JARID2: variants seen among roughly 807,000 people sequenced by gnomAD.
The protein encoded by JARID2 is protein Jumonji.
In JARID2, 21 loss-of-function variants were observed where a neutral mutation model predicts 125.6. The observed-to-expected ratio is 0.17, with a 90% CI of 0.12 to 0.24. JARID2 has a LOEUF of 0.24. Among genes scored for constraint, JARID2 ranks in the 10% least tolerant of loss-of-function variants. JARID2 has a pLI of 1.00. For missense variants in JARID2, 1,303 were observed against 1,639.6 expected (o/e 0.79, Z 3.55); for synonymous variants, 736 against 661.6 (o/e 1.11, Z -1.73).
At position 15,451,995 on chromosome 6, in the gene JARID2, T is replaced by C; in HGVS notation, c.324-11T>C. On this transcript the variant is annotated splice_polypyrimidine_tract_variant and intron_variant, in intron 3 of 17. Transcript: ENST00000341776. The stretch of plus-strand genomic sequence containing the variant: ...GCTTAATTTATTTTTAATTTTCTTT[T>C]GCTTTTGCAGGCCCAGGCTGCAAGC... 6 of 1,611,194 alleles carry C rather than the reference T, an allele frequency of 3.7e-6. No individual in the cohort carries two copies. The highest frequency in any genetic ancestry group is 5.1e-6 in the Non-Finnish European group (6 of 1,178,908).
At chr6:15,368,488 C>T (rs916571564) in intron 1 of JARID2, among the ~76,000 whole-genome samples, 3 of 152,160 alleles carry the variant, frequency 2.0e-5, no homozygotes, top group Non-Finnish European at 4.4e-5. Context: ...GAATTATCTT[C>T]TTGTATGTGT....
intron 1 of JARID2, among the ~76,000 whole-genome samples, chr6:15,320,852 CTGTGTGTGTGTGTGTG>C (rs71944757): frequency 6.9e-6 from 1 of 145,314 alleles, no homozygotes. Flanking sequence ...CTCTCTCTCT[CTGTGTGTGTGTGTGTG>C]TGTGTGTGTG....
At chr6:15,248,211 G>A (rs1759260987) in intron 1 of JARID2, 2 of 486,050 alleles carry the variant, frequency 4.1e-6, no homozygotes, top group South Asian at 8.8e-5. Flanking sequence ...TCCTCGAGCC[G>A]GCTGCGAAAG....
intron 5 of JARID2, among the ~76,000 whole-genome samples, chr6:15,478,328 G>A (rs1252019810): frequency 6.6e-6 from 1 of 152,066 alleles, no homozygotes; most frequent in Non-Finnish European, 1.5e-5. Context: ...TACCTGACTC[G>A]CAATGCTGCT....
At chr6:15,430,538 C>A (rs931032328) in intron 3 of JARID2, among the ~76,000 whole-genome samples, 1 of 152,144 alleles carries the variant, frequency 6.6e-6, no homozygotes, top group South Asian at 2.1e-4. Context: ...GAGTATATAA[C>A]AGTATAATAG....
At chr6:15,495,946 C>CTTA (rs1770396129) in intron 6 of JARID2, among the ~76,000 whole-genome samples, 186 bp from the exon 7 acceptor site, 1 of 152,206 alleles carries the variant, frequency 6.6e-6, no homozygotes, top group Non-Finnish European at 1.5e-5. Context: ...GACATCGCTG[C>CTTA]TTAATTCTTG....
At position 15,269,572 on chromosome 6, in the gene JARID2, A is replaced by T. The variant is rs555857691; in HGVS notation, c.45+22988A>T. ...TTTTTGTAGAGATGGCTATTTTAAA[A>T]TTTTTTTTTTTTTTTTTTGGTAGAG... On this transcript the variant is annotated intron_variant, in intron 1 of 17. Transcript: ENST00000341776. Among the ~76,000 whole-genome samples the T allele has an allele frequency of 3.5e-3, 478 of 135,634 alleles. 3 individuals carry two copies. The highest frequency in any genetic ancestry group is 0.012 in the African/African-American group (441 of 36,326). The allele number at this position is 135,634 out of a possible 152,430, so 89.0% of individuals were successfully genotyped here. A position where few individuals can be genotyped will look rare whatever the true frequency, so the allele number is the denominator to read the frequency against.
At chr6:15,451,502 G>A (rs1333030893) in intron 3 of JARID2, among the ~76,000 whole-genome samples, 1 of 152,134 alleles carries the variant, frequency 6.6e-6, no homozygotes, top group Admixed American at 6.5e-5. Flanking sequence ...TAGAAGTGGC[G>A]ACAGGGACAC....
At chr6:15,391,993 C>T (rs866675137) in intron 2 of JARID2, among the ~76,000 whole-genome samples, 1 of 151,718 alleles carries the variant, frequency 6.6e-6, no homozygotes, top group African/African-American at 2.4e-5. Context: ...TGGCTACTGA[C>T]CCTGTCCTTT....
At chr6:15,311,129 A>G (rs1032993604) in intron 1 of JARID2, among the ~76,000 whole-genome samples, 6 of 152,286 alleles carry the variant, frequency 3.9e-5, no homozygotes, top group East Asian at 1.9e-4. Flanking sequence ...TGGCGTATCA[A>G]TGGGGCTTGT....
intron 2 of JARID2, among the ~76,000 whole-genome samples, chr6:15,397,992 A>G (rs563840178): frequency 6.6e-6 from 1 of 152,322 alleles, no homozygotes; most frequent in Admixed American, 6.5e-5. Flanking sequence ...ATGGATAGGC[A>G]AGCGATATAA....
intron 1 of JARID2, among the ~76,000 whole-genome samples, chr6:15,356,973 C>G (rs952356975): frequency 5.3e-5 from 8 of 151,482 alleles, no homozygotes; most frequent in Admixed American, 2.0e-4. Flanking sequence ...GAGAGTGCAC[C>G]ACTGCACTCC....
intron 1 of JARID2, among the ~76,000 whole-genome samples, chr6:15,318,992 T>C (rs1222244638): frequency 2.6e-5 from 4 of 152,164 alleles, no homozygotes; most frequent in Non-Finnish European, 4.4e-5. Context: ...TAAAAGGACA[T>C]AAGGAAGCAG....
chr6:15,354,114 C>G (rs756194486), intron 1 of JARID2, among the ~76,000 whole-genome samples: 3 of 152,100 alleles, frequency 2.0e-5, no homozygotes, highest in Non-Finnish European at 4.4e-5. Context: ...GATCATCAGA[C>G]GAGAAGAGTA....
At chr6:15,314,951 T>A (rs984471889) in intron 1 of JARID2, 56 of 152,258 alleles carry the variant, frequency 3.7e-4, no homozygotes, top group Admixed American at 8.5e-4. Context: ...ATACTAAAAT[T>A]GGAATGATAC....
intron 2 of JARID2, among the ~76,000 whole-genome samples, chr6:15,406,740 A>G (rs1183509285): frequency 6.6e-6 from 1 of 152,040 alleles, no homozygotes; most frequent in East Asian, 1.9e-4. Flanking sequence ...CATGTGTAAA[A>G]TCTCTTCATA....
chr6:15,269,544 T>C (rs1016153332), intron 1 of JARID2, among the ~76,000 whole-genome samples: 1 of 151,156 alleles, frequency 6.6e-6, no homozygotes, highest in Non-Finnish European at 1.5e-5. Context: ...AATTTTTAAT[T>C]TTTTTTTGTA....
At chr6:15,271,645 A>G (rs565839734) in intron 1 of JARID2, among the ~76,000 whole-genome samples, 3 of 152,100 alleles carry the variant, frequency 2.0e-5, no homozygotes, top group Non-Finnish European at 2.9e-5. Flanking sequence ...ACCTCATCTC[A>G]CCTTTTTCTG....
chr6:15,466,471 G>T lies in JARID2; in HGVS notation c.494-2071G>T, dbSNP rs1050700698. ...CTATCCCATCTCCTTTTAGAAGAGGGAAATTTAATGGCAGAGTCTAAAACT... is the reference window on the plus strand; with the variant it reads ...CTATCCCATCTCCTTTTAGAAGAGGTAAATTTAATGGCAGAGTCTAAAACT... On this transcript the variant is annotated intron_variant, in intron 4 of 17. Coordinates refer to ENST00000341776, the MANE Select transcript of JARID2 (RefSeq NM_004973.4). 1.1e-4 allele frequency among the ~76,000 whole-genome samples: 17 copies of T among 152,330 alleles called. 2 individuals are homozygous for T. The Middle Eastern group carries it at 0.02, about 183-fold the overall frequency.
Sources: gnomAD v4.1 joint callset for allele counts (sites outside exome capture counted in the v4.1 genomes callset) on GRCh38, gnomAD v4.1.1 for gene constraint, MANE v1.5 for transcripts, NCBI Gene and HGNC (gene_info 2026-07-23, HGNC 2026-07-21) for gene names.